The following TPCN2 variants were observed in gnomAD, a reference collection of about 807,000 sequenced individuals.
TPCN2 encodes two pore channel protein 2.
TPCN2 carries 92 observed loss-of-function variants against 111.4 expected under a neutral mutation model. The ratio of observed to expected loss-of-function variants is 0.83; its 90% CI spans 0.70 to 0.98. TPCN2 has a LOEUF of 0.98. TPCN2 is among the 50% of genes least tolerant of loss of function. The probability of loss-of-function intolerance (pLI) is 0.00; values close to 1 mark genes in which losing one functional copy is unlikely to be tolerated. For synonymous variants in TPCN2, 405 were observed against 414.5 expected, an observed-to-expected ratio of 0.98 and a Z score of 0.28; for missense variants, 995 against 980.1, an observed-to-expected ratio of 1.02 and a Z score of -0.20.
intron 18 of TPCN2, among the ~76,000 whole-genome samples, chr11:69,082,478 T>C (rs529712158): frequency 9.8e-5 from 15 of 152,410 alleles, no homozygotes; most frequent in South Asian, 2.1e-4. Flanking sequence ...CAAATATCCA[T>C]GTGAACTCAT....
intron 10 of TPCN2, 88 bp from the exon 11 acceptor site, chr11:69,071,835 C>G (rs1215099236): frequency 3.1e-6 from 4 of 1,295,044 alleles, no homozygotes; most frequent in African/African-American, 1.5e-5. Context: ...CAGACTCCCC[C>G]TCTGCCTGTT....
chr11:69,067,289 A>G (rs1031699884), intron 7 of TPCN2, among the ~76,000 whole-genome samples: 1 of 152,224 alleles, frequency 6.6e-6, no homozygotes, highest in African/African-American at 2.4e-5. Flanking sequence ...CACCGTGTCC[A>G]TGCGGGTGAG....
At chr11:69,070,338 T>C (rs1232783655) in intron 8 of TPCN2, 92 bp from the exon 9 acceptor site, 3 of 1,071,296 alleles carry the variant, frequency 2.8e-6, no homozygotes, top group Non-Finnish European at 2.8e-6. Flanking sequence ...GGAGACCTCC[T>C]TTCTATTGCA....
chr11:69,059,255 G>A (rs1422670819), intron 5 of TPCN2, among the ~76,000 whole-genome samples: 1 of 145,146 alleles, frequency 6.9e-6, no homozygotes, highest in Non-Finnish European at 1.5e-5. Context: ...AGCCCTCCCT[G>A]CTGTTCTCAG....
At chr11:69,071,015 GGGGATCCCCCACCAACAGCTTCACCCCA>G (rs1855506979) in intron 9 of TPCN2, among the ~76,000 whole-genome samples, 1 of 24,510 alleles carries the variant, frequency 4.1e-5, no homozygotes, top group Non-Finnish European at 7.7e-5. Context: ...GCTTCACCCC[GGGGATCCCCCACCAACAGCTTCACCCCA>G]GGGATCCCCC....
chr11:69,057,699 G>C lies in TPCN2; in HGVS notation c.546+5G>C. ...CTGAGTCTCGTGTGTCATGAGGTAG[G>C]TGGTGAGGCAGCCCTGAGACAGATG... On this transcript the variant is annotated splice_donor_5th_base_variant and intron_variant, in intron 5 of 24. Coordinates refer to ENST00000294309, the MANE Select transcript of TPCN2 (RefSeq NM_139075.4). The C allele has an allele frequency of 1.2e-6, 2 of 1,613,266 alleles. No individual in the cohort carries two copies. The highest frequency in any genetic ancestry group is 8.5e-7 in the Non-Finnish European group (1 of 1,179,170).
intron 6 of TPCN2, among the ~76,000 whole-genome samples, chr11:69,063,377 G>A (rs1855110918): frequency 6.6e-6 from 1 of 151,996 alleles, no homozygotes; most frequent in Admixed American, 6.5e-5. Context: ...TCATAAAGCT[G>A]AGCTGTTCCT....
chr11:69,079,009 G>C lies in TPCN2; in HGVS notation c.1528G>C (p.Val510Leu). The change falls in exon 16 of 25, where the codon GTT (valine) becomes CTT (leucine). Residue 510 changes from valine to leucine, a missense_variant. Transcript: ENST00000294309. Reference protein sequence around the residue: ...PSNVFDGLLTVVLLVLEISTL... With the variant: ...PSNVFDGLLTLVLLVLEISTL... ...CAACGTGTTTGACGGGCTCCTCACC[G>C]TTGTCCTGCTGGTAAAGTAGGCGCA... 6.2e-7 allele frequency: 1 copy of C among 1,611,012 alleles called. No homozygotes were observed. The highest frequency in any genetic ancestry group is 1.3e-5 in the African/African-American group (1 of 74,996).
Position 69,049,045 on chromosome 11 carries a change from C to T in TPCN2, c.48C>T (p.Arg16=). 8.1e-7 allele frequency: 1 copy of T among 1,242,014 alleles called. No homozygotes were observed. Among genetic ancestry groups the T allele is most frequent in the Non-Finnish European group, 1.0e-6 (1 of 988,608 alleles). The allele number at this position is 1,242,014 out of a possible 1,614,324, so 76.9% of individuals were successfully genotyped here. ...AESEPLLGGA[R]GGGGDWPAGL... is the part of the protein sequence containing the mutation. Reference sequence around the variant, plus strand: ...CGGAGCCCCTGCTGGGCGGGGCCCGCGGCGGTGGCGGCGACTGGCCGGCGG... The same window carrying T: ...CGGAGCCCCTGCTGGGCGGGGCCCGTGGCGGTGGCGGCGACTGGCCGGCGG... The change falls in exon 1 of 25, where the codon CGC becomes CGT. Residue 16 remains arginine, a synonymous_variant. Transcript: ENST00000294309.
rs1340364635 is a variant in TPCN2 at position 69,078,663 on chromosome 11, G to C, written c.1350+62G>C. The stretch of plus-strand genomic sequence containing the variant: ...GCCGGTTCCCGCCCACCTTGCAGGG[G>C]AGCCTGCCCCTCCTGCCTCGCCCAG... On this transcript the variant is annotated intron_variant, in intron 14 of 24. Coordinates refer to ENST00000294309, the MANE Select transcript of TPCN2 (RefSeq NM_139075.4). 9 of 1,613,314 alleles carry C rather than the reference G, an allele frequency of 5.6e-6. No homozygotes were observed. In the East Asian group the frequency reaches 1.8e-4, roughly 32 times the overall value.
chr11:69,054,789 A>G lies in TPCN2; in HGVS notation c.243A>G (p.Val81=). The G allele has an allele frequency of 2.5e-6, 4 of 1,614,072 alleles. No individual in the cohort carries two copies. Among genetic ancestry groups the G allele is most frequent in the East Asian group, 2.2e-5 (1 of 44,878 alleles). ...MWLYRRYYSN[V]CQRTLSFTIF... ...TTTACCGACGGTATTACTCGAACGT[A>G]TGCCAACGGTGAGAACGCACCCATG... Residue 81 remains valine (V), a synonymous_variant, in exon 3 of 25, where the codon GTA becomes GTG. Transcript: ENST00000294309.
chr11:69,076,052 A>C (rs1160329762), intron 13 of TPCN2, among the ~76,000 whole-genome samples: 1 of 152,214 alleles, frequency 6.6e-6, no homozygotes, highest in African/African-American at 2.4e-5. Context: ...AGTGTCATGT[A>C]CGGCAGTGGC....
At chr11:69,075,375 C>T (rs1204742911) in intron 13 of TPCN2, among the ~76,000 whole-genome samples, 2 of 152,320 alleles carry the variant, frequency 1.3e-5, no homozygotes, top group Admixed American at 6.5e-5. Flanking sequence ...TACACACATC[C>T]TTCCGTATAC....
Position 69,058,763 on chromosome 11 carries a change from CA to C in TPCN2, c.546+1070del, listed in dbSNP as rs573958966. On this transcript the variant is annotated intron_variant, in intron 5 of 24. Transcript: ENST00000294309. ...CCTCCTTCCTGTCTCCCTGACTCGG[CA>C]GCTTCCCGCAGCCTCCTCCCTGCAA... Among the ~76,000 whole-genome samples the C allele has an allele frequency of 3.5e-3, 527 of 152,346 alleles. 1 individual carries two copies. The highest frequency in any genetic ancestry group is 0.019 in the South Asian group (91 of 4,834).
chr11:69,061,495 C>T (rs1049294163), intron 5 of TPCN2, among the ~76,000 whole-genome samples: 3 of 152,182 alleles, frequency 2.0e-5, no homozygotes, highest in African/African-American at 4.8e-5. Context: ...AAAGTGTAAA[C>T]GAGATACTCA....
intron 7 of TPCN2, among the ~76,000 whole-genome samples, chr11:69,064,856 G>A (rs911636145): frequency 2.0e-5 from 3 of 151,966 alleles, no homozygotes; most frequent in African/African-American, 7.3e-5. Context: ...ATGTGTAGGT[G>A]TATGGTGTTT....
chr11:69,059,200 C>G (rs1465732598), intron 5 of TPCN2, among the ~76,000 whole-genome samples: 2 of 152,142 alleles, frequency 1.3e-5, no homozygotes, highest in Non-Finnish European at 2.9e-5. Flanking sequence ...GCTAACTTTT[C>G]CTATGGGACA....
chr11:69,079,554 A>C, intron 16 of TPCN2: 1 of 381,446 alleles, frequency 2.6e-6, no homozygotes, highest in East Asian at 4.5e-5. Flanking sequence ...GAGAAATTTG[A>C]AAAGGGCCCT....
intron 24 of TPCN2, 82 bp from the exon 25 acceptor site, chr11:69,087,793 G>A: frequency 8.7e-7 from 1 of 1,150,652 alleles, no homozygotes; most frequent in African/African-American, 1.5e-5. Flanking sequence ...GTGTTGCTAA[G>A]CTCTGCTCCC....
Sources: allele counts gnomAD v4.1 joint callset (sites outside exome capture counted in the v4.1 genomes callset), GRCh38; gene constraint gnomAD v4.1.1; transcripts MANE v1.5; gene names NCBI Gene and HGNC (gene_info 2026-07-23, HGNC 2026-07-21).